MAPK9: variants seen among roughly 807,000 people sequenced by gnomAD.
MAPK9 encodes the protein Jun kinase.
A neutral mutation model predicts 57.1 loss-of-function variants in MAPK9; 30 were observed. The observed-to-expected ratio is 0.53, with a 90% CI of 0.39 to 0.71. The LOEUF is 0.71. Among genes scored for constraint, MAPK9 ranks in the 30% least tolerant of loss-of-function variants. MAPK9 has a pLI of 0.00. For synonymous variants in MAPK9, 155 were observed against 177.0 expected (o/e 0.88, Z 0.99); for missense variants, 362 against 521.0 (o/e 0.69, Z 2.97).
In MAPK9 at chr5:180,236,161, A is replaced by C; in HGVS notation, c.*223T>G. On this transcript the variant is annotated 3_prime_UTR_variant, in exon 12 of 12. Coordinates refer to ENST00000452135, the MANE Select transcript of MAPK9 (RefSeq NM_002752.5). ...CTGCTCACCTGAAATGATCTTGAACAAAATCTCTAGAAGTGTGGCTTGCAA... is the reference window on the plus strand; with the variant it reads ...CTGCTCACCTGAAATGATCTTGAACCAAATCTCTAGAAGTGTGGCTTGCAA... The C allele has an allele frequency of 2.5e-6, 1 of 392,356 alleles. No homozygotes were observed. The highest frequency in any genetic ancestry group is 4.5e-6 in the Non-Finnish European group (1 of 222,744). 24.3% of individuals were successfully genotyped at this position (392,356 alleles called of 1,614,324 possible). A position where few individuals can be genotyped will look rare whatever the true frequency, so the allele number is the denominator to read the frequency against.
intron 3 of MAPK9, among the ~76,000 whole-genome samples, chr5:180,265,656 G>T (rs894588490): frequency 2.0e-5 from 3 of 152,116 alleles, no homozygotes; most frequent in African/African-American, 7.2e-5. Flanking sequence ...CACTGTCTTG[G>T]GTATCTCTTT....
At chr5:180,286,736 C>A in intron 1 of MAPK9, among the ~76,000 whole-genome samples, 1 of 152,182 alleles carries the variant, frequency 6.6e-6, no homozygotes, top group East Asian at 1.9e-4. Context: ...CTTGGACCAG[C>A]GACAGCAGAA....
chr5:180,260,928 T>C (rs73811339), intron 5 of MAPK9, among the ~76,000 whole-genome samples: 145 of 135,262 alleles, frequency 1.1e-3, no homozygotes, highest in African/African-American at 3.7e-3. Context: ...TACTGAAGTA[T>C]TGGTATCAAA....
intron 1 of MAPK9, among the ~76,000 whole-genome samples, chr5:180,281,246 C>A (rs1217881268): frequency 6.6e-6 from 1 of 152,178 alleles, no homozygotes; most frequent in Non-Finnish European, 1.5e-5. Context: ...CACCACCGGA[C>A]TTCAGGGTAG....
chr5:180,241,220 G>T (rs1252836839), intron 8 of MAPK9, 65 bp from the exon 9 acceptor site: 28 of 1,419,802 alleles, frequency 2.0e-5, no homozygotes, highest in Admixed American at 9.9e-5. Context: ...ATACAATAAA[G>T]AACTAAATAT....
intron 5 of MAPK9, 75 bp downstream of exon 5, chr5:180,261,609 T>C (rs561726460): frequency 1.5e-6 from 2 of 1,319,980 alleles, no homozygotes; most frequent in African/African-American, 3.0e-5. Flanking sequence ...TTTTTTTAAA[T>C]GTTATTTTGT....
At chr5:180,274,829 T>C (rs535412707) in intron 2 of MAPK9, among the ~76,000 whole-genome samples, 6 of 152,204 alleles carry the variant, frequency 3.9e-5, no homozygotes, top group Non-Finnish European at 7.4e-5. Context: ...ACCTTCTCTG[T>C]TTTGGGCTCT....
At chr5:180,263,922 G>T (rs1025167749) in intron 4 of MAPK9, among the ~76,000 whole-genome samples, 5 of 151,754 alleles carry the variant, frequency 3.3e-5, no homozygotes, top group Admixed American at 2.6e-4. Context: ...AGCCAGGATG[G>T]TCTCGATCTC....
rs1229562019 is a variant in MAPK9, at chr5:180,239,986, G to A, written c.998C>T (p.Pro333Leu). 2 of 1,612,066 alleles carry A rather than the reference G, an allele frequency of 1.2e-6. No homozygotes were observed. The highest frequency in any genetic ancestry group is 1.7e-6 in the Non-Finnish European group (2 of 1,179,228). Residue 333 changes from proline (P) to leucine (L), a missense_variant and splice_region_variant, in exon 10 of 12, where the codon CCA (proline) becomes CTA (leucine). Pro to Leu is a moderately conservative substitution (Grantham distance 98). Around this residue, in one of 3 missense-constraint regions of MAPK9, gnomAD observed 199 missense variants for 251.3 expected, o/e 0.79. Transcript: ENST00000452135. ...CTGGGCATCATAAATTTGAGGTGGTGGCTAAAAATTAAATCATATGTAAAG... is the reference window on the plus strand; with the variant it reads ...CTGGGCATCATAAATTTGAGGTGGTAGCTAAAAATTAAATCATATGTAAAG... ...VWYDPAEAEA[P>L]PPQIYDAQLE...
chr5:180,241,901 C>G (rs908553580), intron 8 of MAPK9, among the ~76,000 whole-genome samples: 1 of 152,204 alleles, frequency 6.6e-6, no homozygotes, highest in African/African-American at 2.4e-5. Flanking sequence ...ACTTTTCAAA[C>G]CACACAACAA....
At chr5:180,273,777 A>G (rs34876832) in intron 2 of MAPK9, among the ~76,000 whole-genome samples, 22,805 of 152,176 alleles carry the variant, frequency 0.15, 2,125 homozygotes, top group Middle Eastern at 0.21. Context: ...CACCACTGCC[A>G]TAAGTCAGAA....
chr5:180,275,566 C>T (rs945099893), intron 2 of MAPK9, among the ~76,000 whole-genome samples: 4 of 152,190 alleles, frequency 2.6e-5, no homozygotes, highest in African/African-American at 9.7e-5. Context: ...GAAAGACAGC[C>T]CCACATGCTG....
chr5:180,265,535 TGAA>T (rs1760443725), intron 3 of MAPK9, among the ~76,000 whole-genome samples: 2 of 152,368 alleles, frequency 1.3e-5, no homozygotes, highest in East Asian at 1.9e-4. Context: ...TGCCGCCTTG[TGAA>T]GAAGGTGCCT....
chr5:180,271,323 A>T (rs1761286764), intron 2 of MAPK9, among the ~76,000 whole-genome samples: 1 of 152,200 alleles, frequency 6.6e-6, no homozygotes, highest in Admixed American at 6.5e-5. Context: ...GCGGTCACTC[A>T]AAGAATACAT....
chr5:180,248,860 T>C, intron 6 of MAPK9, 113 bp downstream of exon 6: 1 of 1,051,548 alleles, frequency 9.5e-7, no homozygotes, highest in Non-Finnish European at 1.3e-6. Context: ...ATTCTGGGTG[T>C]AACAGTCCCC....
intron 2 of MAPK9, among the ~76,000 whole-genome samples, chr5:180,272,284 C>T (rs1354247134): frequency 6.6e-6 from 1 of 152,192 alleles, no homozygotes; most frequent in Non-Finnish European, 1.5e-5. Flanking sequence ...GCTCTGCCCC[C>T]ACCCTTGATT....
intron 5 of MAPK9, among the ~76,000 whole-genome samples, chr5:180,253,952 T>C (rs1758985051): frequency 6.7e-6 from 1 of 149,050 alleles, no homozygotes; most frequent in South Asian, 2.1e-4. Flanking sequence ...CAGCCTTTAA[T>C]GCTTCAATCT....
At chr5:180,281,477 C>T (rs966949638) in intron 1 of MAPK9, among the ~76,000 whole-genome samples, 4 of 152,216 alleles carry the variant, frequency 2.6e-5, no homozygotes, top group Admixed American at 1.3e-4. Context: ...TCTGGTTATG[C>T]TTATTTAAAA....
intron 2 of MAPK9, among the ~76,000 whole-genome samples, chr5:180,278,656 G>A (rs1236104189): frequency 1.3e-5 from 2 of 152,050 alleles, no homozygotes; most frequent in African/African-American, 2.4e-5. Context: ...CTGAGATCGC[G>A]CCACTGCACT....
Sources: gnomAD v4.1 joint callset for allele counts (sites outside exome capture counted in the v4.1 genomes callset) on GRCh38, gnomAD v4.1.1 for gene constraint, gnomAD v4.1.1 regional missense constraint, MANE v1.5 for transcripts, NCBI Gene and HGNC (gene_info 2026-07-23, HGNC 2026-07-21) for gene names.